FREM2: variants seen among roughly 807,000 people sequenced by gnomAD.
FREM2 encodes FRAS1 related extracellular matrix 2, also known as FRAS1-related extracellular matrix protein 2.
A neutral mutation model predicts 219.9 loss-of-function variants in FREM2; 119 were observed. That is an observed-to-expected ratio of 0.54 (90% confidence interval 0.47 to 0.63). The LOEUF is 0.63. FREM2 is among the 30% of genes least tolerant of loss of function. The pLI is 0.00. For missense variants in FREM2, 4,030 were observed against 3,993.6 expected (o/e 1.01, Z -0.25); for synonymous variants, 1,562 against 1,522.8 (o/e 1.03, Z -0.60).
chr13:38,803,533 T>C (rs937253245), intron 6 of FREM2, among the ~76,000 whole-genome samples: 1 of 152,100 alleles, frequency 6.6e-6, no homozygotes, highest in Non-Finnish European at 1.5e-5. Context: ...TGGTCCTCAG[T>C]ACTTCAGTAA....
intron 2 of FREM2, among the ~76,000 whole-genome samples, chr13:38,723,036 G>A (rs903215117): frequency 1.3e-5 from 2 of 151,974 alleles, no homozygotes; most frequent in Non-Finnish European, 1.5e-5. Context: ...TTCGAGGCCA[G>A]CCTGGTCAAC....
At position 38,764,414 on chromosome 13, in the gene FREM2, A is replaced by G; in HGVS notation, c.5374A>G (p.Lys1792Glu). Residue 1792 changes from lysine to glutamate, a missense_variant, in exon 3 of 24, where the codon AAA becomes GAA. Transcript: ENST00000280481. ...EDSKFLDVVLKRRGYLGETSF... is the reference protein window; with the variant it reads ...EDSKFLDVVLERRGYLGETSF... ...CTCCAAATTTCTAGATGTTGTTCTT[A>G]AACGTAGAGGTTACTTGGGAGAAAC... 1 of 1,592,528 alleles carries G rather than the reference A, an allele frequency of 6.3e-7. No individual in the cohort carries two copies. Among genetic ancestry groups the G allele is most frequent in the Non-Finnish European group, 8.6e-7 (1 of 1,161,876 alleles).
chr13:38,864,255 A>G lies in FREM2; in HGVS notation c.7652-20A>G. ...TTGGCTACTTGAAAGACTGTTAACA[A>G]TGATTTCGATTTATCATAGGCATGC... On this transcript the variant is annotated intron_variant, in intron 15 of 23. Transcript: ENST00000280481. The G allele has an allele frequency of 4.4e-6, 7 of 1,594,376 alleles. No homozygotes were observed. The highest frequency in any genetic ancestry group is 6.0e-6 in the Non-Finnish European group (7 of 1,162,062).
chr13:38,765,202 G>T (rs577634758), intron 3 of FREM2, among the ~76,000 whole-genome samples: 3 of 152,254 alleles, frequency 2.0e-5, no homozygotes, highest in African/African-American at 7.2e-5. Flanking sequence ...GAGCCACCGC[G>T]CCCGGCCTCA....
intron 2 of FREM2, among the ~76,000 whole-genome samples, chr13:38,733,841 A>G (rs1033954644): frequency 1.3e-5 from 2 of 152,196 alleles, no homozygotes; most frequent in African/African-American, 2.4e-5. Flanking sequence ...TTCAAAAACT[A>G]TTGAGCTAAA....
chr13:38,735,913 A>G (rs1308108754), intron 2 of FREM2, among the ~76,000 whole-genome samples: 1 of 152,218 alleles, frequency 6.6e-6, no homozygotes, highest in East Asian at 1.9e-4. Flanking sequence ...GACTCCTCAC[A>G]GTCACAGAGG....
At chr13:38,823,380 C>T (rs1163563087) in intron 6 of FREM2, among the ~76,000 whole-genome samples, 1 of 151,870 alleles carries the variant, frequency 6.6e-6, no homozygotes, top group Non-Finnish European at 1.5e-5. Flanking sequence ...CATGTTCCCC[C>T]CTTTTTTAAC....
intron 6 of FREM2, among the ~76,000 whole-genome samples, chr13:38,803,259 G>C (rs1875091155): frequency 6.6e-6 from 1 of 152,138 alleles, no homozygotes; most frequent in Non-Finnish European, 1.5e-5. Context: ...ATCAAGCCCT[G>C]CCTTACTAGT....
intron 6 of FREM2, among the ~76,000 whole-genome samples, chr13:38,822,665 A>G (rs1399278198): frequency 4.6e-5 from 7 of 152,154 alleles, no homozygotes; most frequent in African/African-American, 1.4e-4. Context: ...CCTAGCATGC[A>G]TGTTTTCTGT....
intron 1 of FREM2, among the ~76,000 whole-genome samples, chr13:38,697,164 T>C (rs929722214): frequency 6.6e-6 from 1 of 152,208 alleles, no homozygotes. Flanking sequence ...TCAATGTGTG[T>C]GATTTTTTGA....
intron 2 of FREM2, among the ~76,000 whole-genome samples, chr13:38,720,796 AG>A (rs916588821): frequency 1.3e-5 from 2 of 152,248 alleles, no homozygotes; most frequent in African/African-American, 4.8e-5. Flanking sequence ...GAATCTAGAT[AG>A]GATGAGTCCT....
At chr13:38,805,390 G>A (rs1875185269) in intron 6 of FREM2, among the ~76,000 whole-genome samples, 2 of 151,864 alleles carry the variant, frequency 1.3e-5, no homozygotes, top group Admixed American at 6.6e-5. Flanking sequence ...CCAAAAAACT[G>A]AGGTACCATT....
chr13:38,820,942 G>A (rs542992688), intron 6 of FREM2, among the ~76,000 whole-genome samples: 3 of 152,266 alleles, frequency 2.0e-5, no homozygotes, highest in South Asian at 2.1e-4. Context: ...GCATCTCCAC[G>A]TATGGTATTA....
intron 2 of FREM2, among the ~76,000 whole-genome samples, chr13:38,752,708 A>G (rs1191288099): frequency 6.6e-6 from 1 of 152,236 alleles, no homozygotes; most frequent in Non-Finnish European, 1.5e-5. Context: ...TCAAAAGATA[A>G]TCCAAGATAC....
chr13:38,853,317 G>GAAAAA (rs776640338), intron 11 of FREM2, among the ~76,000 whole-genome samples: 8 of 56,888 alleles, frequency 1.4e-4, no homozygotes, highest in Non-Finnish European at 2.2e-4. Flanking sequence ...AACTCCGTCT[G>GAAAAA]AAAAAAAAAA....
chr13:38,773,592 T>G (rs1193246875), intron 4 of FREM2, among the ~76,000 whole-genome samples: 4 of 152,104 alleles, frequency 2.6e-5, no homozygotes, highest in Admixed American at 2.6e-4. Context: ...GTTTGTTTTT[T>G]TGATTGGTTG....
intron 1 of FREM2, among the ~76,000 whole-genome samples, chr13:38,696,452 A>G (rs1364332327): frequency 6.6e-6 from 1 of 152,200 alleles, no homozygotes; most frequent in Non-Finnish European, 1.5e-5. Context: ...TGAACTTACT[A>G]GAGCTTTTAG....
intron 6 of FREM2, among the ~76,000 whole-genome samples, chr13:38,824,879 T>C (rs1876214890): frequency 6.6e-6 from 1 of 151,938 alleles, no homozygotes. Context: ...CAATTGAGTT[T>C]TGGGGAAGGA....
At chr13:38,826,207 G>T (rs1303086987) in intron 6 of FREM2, among the ~76,000 whole-genome samples, 3 of 152,004 alleles carry the variant, frequency 2.0e-5, no homozygotes, top group African/African-American at 7.2e-5. Flanking sequence ...AAACACAAAC[G>T]TCCCAGAAGG....
Sources: gnomAD v4.1 joint callset for allele counts (sites outside exome capture counted in the v4.1 genomes callset) on GRCh38, gnomAD v4.1.1 for gene constraint, MANE v1.5 for transcripts, NCBI Gene and HGNC (gene_info 2026-07-23, HGNC 2026-07-21) for gene names.